Variants in USP34 observed in about 807,000 individuals in gnomAD.
USP34 encodes the protein ubiquitin specific peptidase 34.
USP34 carries 70 observed loss-of-function variants against 460.3 expected under a neutral mutation model. The ratio of observed to expected loss-of-function variants is 0.15; its 90% CI spans 0.13 to 0.19. USP34 has a LOEUF of 0.19. Ranked by LOEUF, USP34 falls within the 10% of genes least tolerant of loss-of-function variation. The pLI is 1.00. For missense variants in USP34, 3,985 were observed against 4,236.2 expected (o/e 0.94, Z 1.65); for synonymous variants, 1,647 against 1,405.3 (o/e 1.17, Z -3.85).
At chr2:61,379,120 C>G (rs779111806) in intron 7 of USP34, among the ~76,000 whole-genome samples, 20 of 152,076 alleles carry the variant, frequency 1.3e-4, no homozygotes, top group Non-Finnish European at 2.4e-4. Flanking sequence ...TTATCTGGGA[C>G]AATATCAACA....
intron 1 of USP34, among the ~76,000 whole-genome samples, chr2:61,460,177 G>T (rs1228040028): frequency 1.3e-5 from 2 of 152,130 alleles, no homozygotes; most frequent in African/African-American, 4.8e-5. Flanking sequence ...CTTTGGTTTT[G>T]CTTTCCATAG....
chr2:61,230,975 C>A (rs1323775108), intron 58 of USP34, among the ~76,000 whole-genome samples: 1 of 151,886 alleles, frequency 6.6e-6, no homozygotes, highest in Non-Finnish European at 1.5e-5. Context: ...CTAAAAACAG[C>A]CAAAAAGTAG....
rs149550204 is a variant in USP34 at position 61,262,164 on chromosome 2, T to C, written c.5779-2388A>G. ...ATAGATAGATAGATAGATATAGAAA[T>C]ATATGTACACAGGTCTCCTTTTTTT... On this transcript the variant is annotated intron_variant, in intron 43 of 79. Coordinates refer to ENST00000398571, the MANE Select transcript of USP34 (RefSeq NM_014709.4). 2.2e-3 allele frequency among the ~76,000 whole-genome samples: 302 copies of C among 137,832 alleles called. 1 individual carries two copies. Among genetic ancestry groups the C allele is most frequent in the Non-Finnish European group, 3.6e-3 (229 of 64,072 alleles). 90.4% of individuals were successfully genotyped at this position (137,832 alleles called of 152,430 possible).
At chr2:61,245,469 CT>C (rs2103868014) in intron 50 of USP34, among the ~76,000 whole-genome samples, 181 bp from the exon 51 acceptor site, 1 of 151,220 alleles carries the variant, frequency 6.6e-6, no homozygotes, top group South Asian at 2.1e-4. Flanking sequence ...ATAACATATT[CT>C]TAAGCACCTT....
At chr2:61,266,218 C>T in intron 41 of USP34, 51 bp from the exon 42 acceptor site, 1 of 1,512,310 alleles carries the variant, frequency 6.6e-7, no homozygotes, top group Non-Finnish European at 9.0e-7. Context: ...TAATTACATT[C>T]CAAATATAGT....
At chr2:61,359,303 C>A (rs560082955) in intron 10 of USP34, among the ~76,000 whole-genome samples, 3 of 152,322 alleles carry the variant, frequency 2.0e-5, no homozygotes, top group Admixed American at 6.5e-5. Flanking sequence ...AAAAGGTCAA[C>A]TGACTTTCAA....
chr2:61,236,958 T>C (rs1688087349), intron 53 of USP34, among the ~76,000 whole-genome samples: 1 of 152,208 alleles, frequency 6.6e-6, no homozygotes, highest in Non-Finnish European at 1.5e-5. Context: ...AGCTGTTTTT[T>C]GTAGAGTTAT....
chr2:61,470,736 G>C lies in USP34; in HGVS notation c.-44C>G, dbSNP rs746409045. ...CCCCTCCCCCGCTTCGGATCACACT[G>C]ACTGATCCCGACCGGCGGGGGGGAG... On this transcript the variant is annotated 5_prime_UTR_variant, in exon 1 of 80. Coordinates refer to ENST00000398571, the MANE Select transcript of USP34 (RefSeq NM_014709.4). The C allele has an allele frequency of 5.2e-6, 8 of 1,539,226 alleles. No individual in the cohort carries two copies. The highest frequency in any genetic ancestry group is 4.4e-6 in the Non-Finnish European group (5 of 1,131,280).
At chr2:61,302,850 T>C (rs1475822635) in intron 27 of USP34, among the ~76,000 whole-genome samples, 1 of 152,222 alleles carries the variant, frequency 6.6e-6, no homozygotes, top group African/African-American at 2.4e-5. Context: ...TCCCAGAACT[T>C]ATAATATTGC....
chr2:61,339,288 G>C lies in USP34; in HGVS notation c.2744+63C>G. On this transcript the variant is annotated intron_variant, in intron 18 of 79. Coordinates refer to ENST00000398571, the MANE Select transcript of USP34 (RefSeq NM_014709.4). ...TAAAAACATCACACCTAGTCAACAA[G>C]AATGTCCCCCCACACCCAAATACTT... is the stretch of plus-strand genomic sequence containing the variant. The C allele has an allele frequency of 2.0e-6, 3 of 1,515,648 alleles. No homozygotes were observed. The South Asian group carries it at 3.8e-5, about 19-fold the overall frequency. The allele number at this position is 1,515,648 out of a possible 1,614,324, so 93.9% of individuals were successfully genotyped here. A position where few individuals can be genotyped will look rare whatever the true frequency, so the allele number is the denominator to read the frequency against.
chr2:61,287,374 G>C (rs1376822710), intron 34 of USP34, among the ~76,000 whole-genome samples: 2 of 152,178 alleles, frequency 1.3e-5, no homozygotes, highest in African/African-American at 4.8e-5. Flanking sequence ...GGAGATGTTG[G>C]AAAGGCAAAT....
intron 2 of USP34, among the ~76,000 whole-genome samples, chr2:61,412,627 A>G (rs1694073636): frequency 6.6e-6 from 1 of 152,036 alleles, no homozygotes; most frequent in African/African-American, 2.4e-5. Flanking sequence ...AGTGGCTCAC[A>G]CCTGTAATCC....
chr2:61,316,036 C>CT (rs1553368917), intron 23 of USP34, among the ~76,000 whole-genome samples: 1 of 132,006 alleles, frequency 7.6e-6, no homozygotes, highest in East Asian at 2.4e-4. Flanking sequence ...CCTGTCTCTA[C>CT]TTTAAAAAAA....
rs183325344 is a variant in USP34 at position 61,435,900 on chromosome 2, C to T, written c.44-15067G>A. Reference sequence around the variant, plus strand: ...AAAATGAGCCGGGCATGGTGGAGTGCGCCTGTAATCCCAGCTACTCAGGAG... The same window carrying T: ...AAAATGAGCCGGGCATGGTGGAGTGTGCCTGTAATCCCAGCTACTCAGGAG... On this transcript the variant is annotated intron_variant, in intron 1 of 79. Coordinates refer to ENST00000398571, the MANE Select transcript of USP34 (RefSeq NM_014709.4). 3.7e-3 allele frequency among the ~76,000 whole-genome samples: 557 copies of T among 152,030 alleles called. 2 individuals are homozygous for T. Among genetic ancestry groups the T allele is most frequent in the Middle Eastern group, 0.014 (4 of 294 alleles).
chr2:61,407,206 T>C (rs972099310), intron 2 of USP34, among the ~76,000 whole-genome samples: 9 of 152,236 alleles, frequency 5.9e-5, no homozygotes, highest in South Asian at 2.1e-4. Context: ...GGCAACATAA[T>C]GAGGCCCATC....
intron 1 of USP34, among the ~76,000 whole-genome samples, chr2:61,469,285 T>C (rs1695875586): frequency 6.6e-6 from 1 of 152,206 alleles, no homozygotes; most frequent in African/African-American, 2.4e-5. Flanking sequence ...AACGATTAAC[T>C]TTCCAAGTTG....
intron 5 of USP34, among the ~76,000 whole-genome samples, chr2:61,393,015 T>C (rs1480190824): frequency 6.6e-6 from 1 of 152,212 alleles, no homozygotes; most frequent in Non-Finnish European, 1.5e-5. Context: ...AGCCACCAGT[T>C]ACTACACACT....
intron 2 of USP34, among the ~76,000 whole-genome samples, chr2:61,412,424 T>C (rs991253816): frequency 2.0e-5 from 3 of 151,962 alleles, no homozygotes; most frequent in Non-Finnish European, 2.9e-5. Context: ...AAAATAACAA[T>C]AACAAAATTC....
rs769214603 is a variant in USP34, at chr2:61,284,923, A to C, written c.4784T>G (p.Ile1595Ser). The change falls in exon 35 of 80, where the codon ATT becomes AGT. Residue 1595 changes from isoleucine (I) to serine (S), a missense_variant. Coordinates refer to ENST00000398571, the MANE Select transcript of USP34 (RefSeq NM_014709.4). ...FLVLVQGTSL[I>S]QRLMSVAYTY... ...ATAAGCAACAGACATAAGTCGCTGA[A>C]TCAAACTGGTTCCTTGGACAAGAAC... 1.2e-6 allele frequency: 2 copies of C among 1,611,412 alleles called. No homozygotes were observed. Among genetic ancestry groups the C allele is most frequent in the African/African-American group, 2.7e-5 (2 of 74,870 alleles).
Sources: gnomAD v4.1 joint callset for allele counts (sites outside exome capture counted in the v4.1 genomes callset) on GRCh38, gnomAD v4.1.1 for gene constraint, MANE v1.5 for transcripts, NCBI Gene and HGNC (gene_info 2026-07-23, HGNC 2026-07-21) for gene names.